The following SRGAP1 variants were observed in gnomAD, a reference collection of about 807,000 sequenced individuals.
SRGAP1 encodes SLIT-ROBO Rho GTPase-activating protein 1.
In SRGAP1, 43 loss-of-function variants were observed where a neutral mutation model predicts 121.9. That is an observed-to-expected ratio of 0.35 (90% CI 0.28 to 0.46). The LOEUF is 0.46. Ranked by LOEUF, SRGAP1 falls within the 20% of genes least tolerant of loss-of-function variation. The probability of loss-of-function intolerance (pLI) is 1.00; values close to 1 mark genes in which losing one functional copy is unlikely to be tolerated. For missense variants in SRGAP1, 1,102 were observed against 1,350.9 expected (o/e 0.82, Z 2.89); for synonymous variants, 447 against 485.4 (o/e 0.92, Z 1.04).
chr12:64,054,663 G>A (rs949010940), intron 6 of SRGAP1, among the ~76,000 whole-genome samples: 1 of 152,122 alleles, frequency 6.6e-6, no homozygotes, highest in Admixed American at 6.5e-5. Context: ...GTGATAGAAA[G>A]GGTATTTAAA....
intron 1 of SRGAP1, among the ~76,000 whole-genome samples, chr12:63,933,223 T>TA (rs778255617): frequency 6.6e-6 from 1 of 151,962 alleles, no homozygotes; most frequent in Non-Finnish European, 1.5e-5. Flanking sequence ...CCTAAAACTT[T>TA]AAGTATAATA....
At chr12:64,086,450 T>C (rs1403274133) in intron 10 of SRGAP1, among the ~76,000 whole-genome samples, 3 of 152,188 alleles carry the variant, frequency 2.0e-5, no homozygotes, top group African/African-American at 7.2e-5. Context: ...TGTAGTATCA[T>C]TTAATGTCCT....
chr12:64,114,593 C>T (rs570874750), intron 17 of SRGAP1, among the ~76,000 whole-genome samples: 1 of 152,254 alleles, frequency 6.6e-6, no homozygotes, highest in East Asian at 1.9e-4. Flanking sequence ...TCAGGTGATC[C>T]ACCCACCTTG....
intron 6 of SRGAP1, among the ~76,000 whole-genome samples, chr12:64,052,314 G>A (rs2035252455): frequency 6.6e-6 from 1 of 152,116 alleles, no homozygotes; most frequent in Non-Finnish European, 1.5e-5. Context: ...AGCACTTCGG[G>A]AGGCTGAGGC....
intron 1 of SRGAP1, among the ~76,000 whole-genome samples, chr12:63,874,031 A>T (rs935173462): frequency 6.6e-6 from 1 of 151,266 alleles, no homozygotes; most frequent in African/African-American, 2.4e-5. Flanking sequence ...AGACTCTGTC[A>T]GAAAGAGAAA....
intron 3 of SRGAP1, among the ~76,000 whole-genome samples, chr12:63,993,092 G>A (rs1298769874): frequency 6.6e-6 from 1 of 152,178 alleles, no homozygotes; most frequent in Non-Finnish European, 1.5e-5. Flanking sequence ...TTACGGAGGA[G>A]TAAGATCAAC....
intron 6 of SRGAP1, among the ~76,000 whole-genome samples, chr12:64,050,926 G>C (rs143822439): frequency 6.6e-6 from 1 of 152,094 alleles, no homozygotes; most frequent in African/African-American, 2.4e-5. Context: ...GTTTCACCAT[G>C]TTGGCCAGGC....
At chr12:63,983,797 A>AATATATATATATATAT (rs71911661) in intron 1 of SRGAP1, 150 bp from the exon 2 acceptor site, 2 of 64,758 alleles carry the variant, frequency 3.1e-5, no homozygotes, top group African/African-American at 1.3e-4. Flanking sequence ...ATACATTTAA[A>AATATATATATATATAT]ATATATATAT....
chr12:63,994,511 G>A (rs1246459741), intron 3 of SRGAP1, among the ~76,000 whole-genome samples: 2 of 152,128 alleles, frequency 1.3e-5, no homozygotes, highest in Non-Finnish European at 2.9e-5. Context: ...GAATGCACAA[G>A]CTGGCCGAGA....
intron 21 of SRGAP1, among the ~76,000 whole-genome samples, chr12:64,134,773 A>C (rs1323447852): frequency 1.3e-5 from 2 of 152,144 alleles, no homozygotes; most frequent in African/African-American, 4.8e-5. Flanking sequence ...TGTTCCATCT[A>C]CCATTATCCC....
intron 1 of SRGAP1, among the ~76,000 whole-genome samples, chr12:63,859,714 A>T (rs1310542256): frequency 6.6e-6 from 1 of 152,188 alleles, no homozygotes; most frequent in African/African-American, 2.4e-5. Context: ...AAAATGTAAC[A>T]CTTCTAACAT....
At chr12:64,140,356 G>C (rs1257105626) in intron 21 of SRGAP1, among the ~76,000 whole-genome samples, 1 of 144,556 alleles carries the variant, frequency 6.9e-6, no homozygotes, top group Non-Finnish European at 1.5e-5. Flanking sequence ...TCACGATATT[G>C]ATTCTTCCTA....
chr12:64,035,297 A>G (rs1208492668), intron 4 of SRGAP1, among the ~76,000 whole-genome samples: 2 of 151,078 alleles, frequency 1.3e-5, no homozygotes, highest in East Asian at 1.9e-4. Context: ...TTCTCTACCT[A>G]ATTCTCACTC....
intron 1 of SRGAP1, among the ~76,000 whole-genome samples, chr12:63,926,011 G>A (rs987400474): frequency 1.3e-5 from 2 of 152,162 alleles, no homozygotes; most frequent in Admixed American, 1.3e-4. Context: ...TTTGGACTGA[G>A]GAGGACCACA....
intron 1 of SRGAP1, among the ~76,000 whole-genome samples, chr12:63,868,516 C>T (rs371419496): frequency 6.6e-6 from 1 of 152,250 alleles, no homozygotes; most frequent in African/African-American, 2.4e-5. Flanking sequence ...GCTGAGCGCA[C>T]CAGCAAACCT....
In SRGAP1 at chr12:63,941,496, A is replaced by T. The variant is rs141769061; in HGVS notation, c.68-42451A>T. 3.4e-4 allele frequency among the ~76,000 whole-genome samples: 52 copies of T among 152,324 alleles called. 1 individual carries two copies. The highest frequency in any genetic ancestry group is 6.0e-4 in the Non-Finnish European group (41 of 68,026). The stretch of plus-strand genomic sequence containing the variant: ...GTTAATACAATATGCTGCATACATA[A>T]GAGGTGAAGCTCATGGTTTTCTCTA... On this transcript the variant is annotated intron_variant, in intron 1 of 21. Transcript: ENST00000355086.
rs146224144 is a variant in SRGAP1, at chr12:63,886,773, A to C, written c.67+41890A>C. Among the ~76,000 whole-genome samples, 319 of 152,092 alleles carry C rather than the reference A, an allele frequency of 2.1e-3. 1 individual carries two copies. The highest frequency in any genetic ancestry group is 7.3e-3 in the African/African-American group (302 of 41,460). On this transcript the variant is annotated intron_variant, in intron 1 of 21. Coordinates refer to ENST00000355086, the MANE Select transcript of SRGAP1 (RefSeq NM_020762.4). ...GGCGTGAGACACCACGTCTGGCCAA[A>C]ACACATTTAAAAGGGATTTTTTTTT...
chr12:64,116,790 A>C (rs188149083), intron 18 of SRGAP1, among the ~76,000 whole-genome samples: 1 of 152,166 alleles, frequency 6.6e-6, no homozygotes, highest in Non-Finnish European at 1.5e-5. Flanking sequence ...GCTTTACTCT[A>C]TACTGTCAAA....
chr12:64,030,487 A>G (rs933763854), intron 4 of SRGAP1, among the ~76,000 whole-genome samples: 2 of 152,250 alleles, frequency 1.3e-5, no homozygotes, highest in African/African-American at 4.8e-5. Context: ...TATCTTCTTT[A>G]GGGTAAGTTG....
Sources: gnomAD v4.1 joint callset for allele counts (sites outside exome capture counted in the v4.1 genomes callset) on GRCh38, gnomAD v4.1.1 for gene constraint, MANE v1.5 for transcripts, NCBI Gene and HGNC (gene_info 2026-07-23, HGNC 2026-07-21) for gene names.